ANKRD11: variants seen among roughly 807,000 people sequenced by gnomAD.
ANKRD11 encodes ankyrin repeat domain-containing protein 11.
A neutral mutation model predicts 195.7 loss-of-function variants in ANKRD11; 17 were observed. The observed-to-expected ratio is 0.09, with a 90% CI of 0.06 to 0.13. The LOEUF (loss-of-function observed/expected upper bound fraction) is 0.13. Among genes scored for constraint, ANKRD11 ranks in the 10% least tolerant of loss-of-function variants. The probability of loss-of-function intolerance (pLI) is 1.00; values close to 1 mark genes in which losing one functional copy is unlikely to be tolerated. For missense variants in ANKRD11, 3,735 were observed against 3,566.1 expected (o/e 1.05, Z -1.21); for synonymous variants, 1,953 against 1,528.1 (o/e 1.28, Z -6.49).
chr16:89,428,059 T>C (rs1448580595), intron 1 of ANKRD11, among the ~76,000 whole-genome samples: 1 of 149,112 alleles, frequency 6.7e-6, no homozygotes, highest in East Asian at 2.0e-4. Context: ...AATACAAAAA[T>C]TAGCCAGACA....
rs79220675 is a variant in ANKRD11, at chr16:89,398,265, G to C, written c.-60+20019C>G. 1.0e-2 allele frequency among the ~76,000 whole-genome samples: 387 copies of C among 38,824 alleles called. 5 individuals are homozygous for C. Among genetic ancestry groups the C allele is most frequent in the Middle Eastern group, 0.042 (1 of 24 alleles). The allele number at this position is 38,824 out of a possible 152,430, so 25.5% of individuals were successfully genotyped here. On this transcript the variant is annotated intron_variant, in intron 2 of 12. Coordinates refer to ENST00000301030, the MANE Select transcript of ANKRD11 (RefSeq NM_013275.6). ...TGACATGAGGGACACTGTGAAACAG[G>C]TGAAGATTACCTGTGACCTCAGCAC...
intron 2 of ANKRD11, chr16:89,392,248 TATA>T (rs1366936710): frequency 6.6e-6 from 1 of 152,268 alleles, no homozygotes; most frequent in Non-Finnish European, 1.5e-5. Flanking sequence ...CTGCAGAAGG[TATA>T]AAAAATGGCC....
intron 2 of ANKRD11, among the ~76,000 whole-genome samples, chr16:89,379,001 C>G (rs577108840): frequency 6.6e-6 from 1 of 152,238 alleles, no homozygotes; most frequent in African/African-American, 2.4e-5. Flanking sequence ...AGCGTCAAGA[C>G]GCCTCCTGCA....
chr16:89,409,717 T>A lies in ANKRD11; in HGVS notation c.-60+8567A>T, dbSNP rs187762573. On this transcript the variant is annotated intron_variant, in intron 2 of 12. Coordinates refer to ENST00000301030, the MANE Select transcript of ANKRD11 (RefSeq NM_013275.6). ...AAGTTTCCATTACAACACTGAAGTT[T>A]AGAATACAGTATTACTAGGCCAAAA... Among the ~76,000 whole-genome samples the A allele has an allele frequency of 7.0e-3, 1,073 of 152,352 alleles. 52 individuals are homozygous for A. The highest frequency in any genetic ancestry group is 0.062 in the Admixed American group (954 of 15,298).
chr16:89,296,703 T>C (rs2035458453), intron 4 of ANKRD11, among the ~76,000 whole-genome samples: 1 of 152,228 alleles, frequency 6.6e-6, no homozygotes, highest in Admixed American at 6.5e-5. Flanking sequence ...CAACGTCTTG[T>C]AATTCCAACC....
At chr16:89,435,241 T>G (rs2043162899) in intron 1 of ANKRD11, among the ~76,000 whole-genome samples, 2 of 152,040 alleles carry the variant, frequency 1.3e-5, no homozygotes, top group African/African-American at 4.8e-5. Context: ...CAATCAGCAT[T>G]CTGTAAAAAT....
intron 2 of ANKRD11, among the ~76,000 whole-genome samples, chr16:89,340,659 C>A (rs1397591434): frequency 1.3e-5 from 2 of 152,172 alleles, no homozygotes; most frequent in Admixed American, 6.5e-5. Context: ...AACATGATTA[C>A]ATTCTACAAA....
intron 2 of ANKRD11, among the ~76,000 whole-genome samples, chr16:89,365,348 G>C (rs746967109): frequency 3.6e-4 from 55 of 152,286 alleles, no homozygotes; most frequent in Admixed American, 1.2e-3. Flanking sequence ...TCACCTTAAA[G>C]AGCATGAGGC....
chr16:89,443,751 T>A (rs185369163), intron 1 of ANKRD11, among the ~76,000 whole-genome samples: 5 of 152,296 alleles, frequency 3.3e-5, no homozygotes, highest in African/African-American at 4.8e-5. Context: ...ACAAGCTGGA[T>A]GAATTGAATA....
rs1213465788 is a variant in ANKRD11 at position 89,281,125 on chromosome 16, C to A, written c.5417G>T (p.Gly1806Val). The change falls in exon 9 of 13, where the codon GGA becomes GTA. Residue 1806 changes from glycine (G) to valine (V), a missense_variant. Transcript: ENST00000301030. This position sits in a 1 kb window ranked among gnomAD's most constrained non-coding sequence, Gnocchi z 5.5. ...GCTCTGCTGCCTGAAGAGCTTGTCT[C>A]CGACGCTGAATTCTTCCTCGGGGGT... ...RRTPEEEFSV[G>V]DKLFRQQSVP... 6.2e-7 allele frequency: 1 copy of A among 1,612,864 alleles called. No individual in the cohort carries two copies. Among genetic ancestry groups the A allele is most frequent in the Non-Finnish European group, 8.5e-7 (1 of 1,178,940 alleles).
intron 2 of ANKRD11, among the ~76,000 whole-genome samples, chr16:89,384,874 GTTTTCTTTTTTTTT>G (rs2040830843): frequency 4.1e-5 from 3 of 72,770 alleles, no homozygotes; most frequent in African/African-American, 1.7e-4. Flanking sequence ...ATGAGAAATA[GTTTTCTTTTTTTTT>G]TTTTTTTTTT....
At chr16:89,368,609 A>T (rs1339553033) in intron 2 of ANKRD11, among the ~76,000 whole-genome samples, 7 of 121,844 alleles carry the variant, frequency 5.7e-5, no homozygotes, top group Admixed American at 2.4e-4. Context: ...CGCAGCTCTT[A>T]AAAAAAAAAA....
chr16:89,411,782 T>C (rs1419288406), intron 2 of ANKRD11, among the ~76,000 whole-genome samples: 2 of 152,130 alleles, frequency 1.3e-5, no homozygotes, highest in Non-Finnish European at 2.9e-5. Flanking sequence ...AAATAAATAA[T>C]TAAGATCCTT....
chr16:89,443,862 G>C (rs1368960274), intron 1 of ANKRD11, among the ~76,000 whole-genome samples: 1 of 152,328 alleles, frequency 6.6e-6, no homozygotes, highest in African/African-American at 2.4e-5. Flanking sequence ...CTGCTGGGAG[G>C]GCAGGGGCTT....
At chr16:89,436,748 T>C (rs749101708) in intron 1 of ANKRD11, among the ~76,000 whole-genome samples, 5 of 152,216 alleles carry the variant, frequency 3.3e-5, no homozygotes, top group Admixed American at 6.5e-5. Context: ...ACTTTTACTA[T>C]ATTTTTGTTT....
At chr16:89,313,461 A>C (rs572531811) in intron 3 of ANKRD11, 1 of 1,289,172 alleles carries the variant, frequency 7.8e-7, no homozygotes, top group Admixed American at 2.3e-5. Context: ...CACTGTGCTC[A>C]CTGGTGCAGC....
chr16:89,336,899 G>A (rs1336868577), intron 2 of ANKRD11, among the ~76,000 whole-genome samples: 1 of 151,782 alleles, frequency 6.6e-6, no homozygotes, highest in Non-Finnish European at 1.5e-5. Flanking sequence ...GCTGGGTGCG[G>A]TGGCTCATGC....
chr16:89,403,029 A>T (rs1254879548), intron 2 of ANKRD11, among the ~76,000 whole-genome samples: 2 of 152,194 alleles, frequency 1.3e-5, no homozygotes, highest in Non-Finnish European at 2.9e-5. Flanking sequence ...ACCAGGCTCC[A>T]CATGGGCACT....
chr16:89,459,562 G>C (rs1326153436), intron 1 of ANKRD11: 3 of 152,110 alleles, frequency 2.0e-5, no homozygotes, highest in South Asian at 4.1e-4. Context: ...AACTTTTTGT[G>C]AATTCAGTTC....
Sources: gnomAD v4.1 joint callset for allele counts (sites outside exome capture counted in the v4.1 genomes callset) on GRCh38, gnomAD v4.1.1 for gene constraint, Gnocchi (gnomAD v3.1) non-coding constraint, MANE v1.5 for transcripts, NCBI Gene and HGNC (gene_info 2026-07-23, HGNC 2026-07-21) for gene names.